The following ACOT11 variants were observed in gnomAD, a reference collection of about 807,000 sequenced individuals.
ACOT11 encodes acyl-coenzyme A thioesterase 11.
A neutral mutation model predicts 77.5 loss-of-function variants in ACOT11; 69 were observed. The ratio of observed to expected loss-of-function variants is 0.89; its 90% confidence interval spans 0.73 to 1.09. The LOEUF (loss-of-function observed/expected upper bound fraction) is 1.09, where lower values mean the gene tolerates loss of function less well. Among genes scored for constraint, ACOT11 ranks in the 50% least tolerant of loss-of-function variants. The pLI is 0.00. For synonymous variants in ACOT11, 279 were observed against 313.0 expected, an observed-to-expected ratio of 0.89 and a Z score of 1.15; for missense variants, 766 against 813.7, an observed-to-expected ratio of 0.94 and a Z score of 0.71.
rs371553157 is a variant in ACOT11 at position 54,601,462 on chromosome 1, T to G, written c.1029+49T>G. ...CCACCAGCAGCTCCCCTCCCCTCCC[T>G]CTCTGCCCTGGCATGGTGGAGACTG... On this transcript the variant is annotated intron_variant, in intron 9 of 15. Coordinates refer to ENST00000343744, the MANE Select transcript of ACOT11 (RefSeq NM_147161.4). 3.8e-4 allele frequency: 610 copies of G among 1,590,126 alleles called. 1 individual carries two copies. Among genetic ancestry groups the G allele is most frequent in the Non-Finnish European group, 4.8e-4 (566 of 1,171,834 alleles).
chr1:54,597,979 T>C (rs1260802284), intron 7 of ACOT11: 1 of 154,052 alleles, frequency 6.5e-6, no homozygotes, highest in East Asian at 1.9e-4. Context: ...TTTATAGTTA[T>C]GGTAACTGAC....
At chr1:54,563,922 TG>T (rs1376508825) in intron 1 of ACOT11, among the ~76,000 whole-genome samples, 2 of 151,972 alleles carry the variant, frequency 1.3e-5, no homozygotes, top group African/African-American at 4.8e-5. Context: ...AAAAATTAGC[TG>T]GGTGTGGAGG....
At chr1:54,604,459 T>G in intron 12 of ACOT11, 30 bp downstream of exon 12, 3 of 1,608,084 alleles carry the variant, frequency 1.9e-6, no homozygotes, top group Non-Finnish European at 2.6e-6. Flanking sequence ...CAATTTTCCT[T>G]TCTCATCTGA....
chr1:54,569,054 T>C (rs1569671489), intron 1 of ACOT11, among the ~76,000 whole-genome samples: 1 of 151,116 alleles, frequency 6.6e-6, no homozygotes, highest in Non-Finnish European at 1.5e-5. Flanking sequence ...AAGGCTGCAG[T>C]GAGCCAAGAT....
intron 15 of ACOT11, among the ~76,000 whole-genome samples, chr1:54,620,570 C>T (rs566976986): frequency 5.3e-5 from 8 of 151,456 alleles, no homozygotes; most frequent in East Asian, 2.0e-4. Context: ...GCTGGATGGA[C>T]GTGGTGGCAG....
At chr1:54,622,129 A>G (rs1314727292) in intron 15 of ACOT11, among the ~76,000 whole-genome samples, 1 of 150,594 alleles carries the variant, frequency 6.6e-6, no homozygotes, top group African/African-American at 2.5e-5. Flanking sequence ...CAAAAAATTT[A>G]GTCTGGTGTG....
At chr1:54,631,432 C>T (rs1011710466) in intron 16 of ACOT11, among the ~76,000 whole-genome samples, 1 of 152,192 alleles carries the variant, frequency 6.6e-6, no homozygotes, top group African/African-American at 2.4e-5. Flanking sequence ...TGTTTCCAGT[C>T]AGATGATTCC....
chr1:54,631,346 T>C (rs1050753104), intron 16 of ACOT11, among the ~76,000 whole-genome samples: 2 of 152,236 alleles, frequency 1.3e-5, no homozygotes, highest in African/African-American at 4.8e-5. Flanking sequence ...TTTAAATTAC[T>C]CAGAGAATTA....
At chr1:54,569,807 T>G (rs1197319482) in intron 1 of ACOT11, among the ~76,000 whole-genome samples, 1 of 152,260 alleles carries the variant, frequency 6.6e-6, no homozygotes, top group Non-Finnish European at 1.5e-5. Flanking sequence ...TGCAGGTTGA[T>G]AGAATGAGTC....
intron 9 of ACOT11, 47 bp downstream of exon 9, chr1:54,601,460 CCT>C: frequency 1.3e-6 from 2 of 1,591,162 alleles, no homozygotes; most frequent in South Asian, 2.3e-5. Context: ...CCCTCCCCTC[CCT>C]CTCTGCCCTG....
intron 1 of ACOT11, among the ~76,000 whole-genome samples, chr1:54,552,524 C>T (rs1299017755): frequency 6.6e-6 from 1 of 152,144 alleles, no homozygotes; most frequent in Admixed American, 6.5e-5. Flanking sequence ...CACTCTGTCT[C>T]CCAGGCTGGA....
chr1:54,594,020 CCCG>C lies in ACOT11; in HGVS notation c.456_458del (p.Arg153del), dbSNP rs1200913173. ...TGCAAGGCCTTGGCCACCTTCGTGG[CCCG>C]CCGAGAGATCACCAAGGTAACTGGG... is the stretch of plus-strand genomic sequence containing the variant. On this transcript the variant is annotated inframe_deletion, in exon 5 of 16. Coordinates refer to ENST00000343744, the MANE Select transcript of ACOT11 (RefSeq NM_147161.4). The C allele has an allele frequency of 6.2e-7, 1 of 1,613,868 alleles. No homozygotes were observed. The highest frequency in any genetic ancestry group is 8.5e-7 in the Non-Finnish European group (1 of 1,179,934).
Position 54,628,880 on chromosome 1 carries a change from C to T in ACOT11, c.1630-1854C>T, listed in dbSNP as rs1168711440. On this transcript the variant is annotated intron_variant, in intron 15 of 16. Transcript: ENST00000371316. ...TTCGAGAACAGCCTGGCCAACATGA[C>T]GAAATCCCGTCTCTACTAAAAATAC... 6.1e-5 allele frequency among the ~76,000 whole-genome samples: 8 copies of T among 131,342 alleles called. 2 individuals carry two copies. In the East Asian group the frequency reaches 7.2e-4, roughly 12 times the overall value. 86.2% of individuals were successfully genotyped at this position (131,342 alleles called of 152,430 possible).
At chr1:54,605,451 G>T (rs1027163196) in intron 13 of ACOT11, among the ~76,000 whole-genome samples, 1 of 152,218 alleles carries the variant, frequency 6.6e-6, no homozygotes, top group Non-Finnish European at 1.5e-5. Context: ...AACCAGCTGT[G>T]TGACATTGGA....
intron 9 of ACOT11, among the ~76,000 whole-genome samples, 153 bp from the exon 10 acceptor site, chr1:54,602,516 C>G (rs151337531): frequency 6.6e-6 from 1 of 152,110 alleles, no homozygotes; most frequent in Middle Eastern, 3.2e-3. Context: ...CTTAGTTTCC[C>G]ACTTTGCTGG....
At chr1:54,599,268 T>C (rs1643935250) in intron 7 of ACOT11, 28 bp from the exon 8 acceptor site, 1 of 1,406,878 alleles carries the variant, frequency 7.1e-7, no homozygotes, top group Non-Finnish European at 9.4e-7. Context: ...GGGGCATTCC[T>C]TCTGTCTCCC....
intron 1 of ACOT11, among the ~76,000 whole-genome samples, chr1:54,578,266 C>T (rs1235655568): frequency 1.3e-5 from 2 of 152,194 alleles, no homozygotes; most frequent in African/African-American, 2.4e-5. Context: ...GGGTCTGGGT[C>T]AGCAAGACAC....
exon 17 of ACOT11, chr1:54,638,668 T>C (rs1644343999): frequency 6.8e-6 from 1 of 147,804 alleles, no homozygotes; most frequent in Admixed American, 6.7e-5. Flanking sequence ...AGTCCCTGTG[T>C]TTTTTTTTGT....
At chr1:54,635,883 C>T (rs11801301) in exon 17 of ACOT11, 6 of 152,314 alleles carry the variant, frequency 3.9e-5, no homozygotes, top group East Asian at 1.9e-4. Flanking sequence ...ATGGCCCTAA[C>T]GCCCAATCTG....
Sources: gnomAD v4.1 joint callset for allele counts (sites outside exome capture counted in the v4.1 genomes callset) on GRCh38, gnomAD v4.1.1 for gene constraint, MANE v1.5 for transcripts, NCBI Gene and HGNC (gene_info 2026-07-23, HGNC 2026-07-21) for gene names.